Variants in MGAT5B observed in about 807,000 individuals in gnomAD.
MGAT5B encodes the protein N-acetylglucosaminyl-transferase Vb.
A neutral mutation model predicts 95.1 loss-of-function variants in MGAT5B; 54 were observed. The observed-to-expected ratio is 0.57, with a 90% CI of 0.46 to 0.71. MGAT5B has a LOEUF of 0.71. MGAT5B is among the 30% of genes least tolerant of loss of function. The pLI is 0.00. For missense variants in MGAT5B, 935 were observed against 1,088.6 expected, an observed-to-expected ratio of 0.86 and a Z score of 1.99; for synonymous variants, 464 against 451.0, an observed-to-expected ratio of 1.03 and a Z score of -0.36.
intron 12 of MGAT5B, among the ~76,000 whole-genome samples, chr17:76,935,601 A>G (rs1474870624): frequency 3.3e-5 from 4 of 120,854 alleles, no homozygotes; most frequent in Non-Finnish European, 7.0e-5. Flanking sequence ...TGTCTTCCAT[A>G]TATCTTTTTT....
chr17:76,903,265 T>C (rs748950801), intron 4 of MGAT5B, 38 bp from the exon 5 acceptor site: 25 of 1,568,864 alleles, frequency 1.6e-5, no homozygotes, highest in Non-Finnish European at 1.9e-5. Context: ...GGCTCCTCCT[T>C]GGACCAGGGA....
At chr17:76,883,039 C>T (rs1292537119) in intron 3 of MGAT5B, among the ~76,000 whole-genome samples, 1 of 151,696 alleles carries the variant, frequency 6.6e-6, no homozygotes, top group Non-Finnish European at 1.5e-5. Context: ...CACTCTTACT[C>T]TGGGCTGGAG....
chr17:76,936,084 G>A (rs1211727786), intron 12 of MGAT5B, among the ~76,000 whole-genome samples: 1 of 151,320 alleles, frequency 6.6e-6, no homozygotes, highest in East Asian at 1.9e-4. Context: ...ACAGGCATGA[G>A]CCACTGCGCC....
intron 9 of MGAT5B, 114 bp downstream of exon 9, chr17:76,925,211 A>T (rs1969267189): frequency 8.0e-7 from 1 of 1,250,996 alleles, no homozygotes; most frequent in Non-Finnish European, 1.1e-6. Flanking sequence ...GTGGGAGAAC[A>T]TACTGTCCTG....
At chr17:76,900,369 C>T (rs1968260483) in intron 3 of MGAT5B, among the ~76,000 whole-genome samples, 1 of 152,232 alleles carries the variant, frequency 6.6e-6, no homozygotes, top group Non-Finnish European at 1.5e-5. Context: ...GCCCCAGGAC[C>T]TGTGACTATG....
At chr17:76,947,492 TG>T (rs990353555) in intron 16 of MGAT5B, among the ~76,000 whole-genome samples, 18 of 152,090 alleles carry the variant, frequency 1.2e-4, no homozygotes, top group African/African-American at 3.9e-4. Context: ...GCAGGGCTCG[TG>T]GGCCCCAGGG....
chr17:76,932,784 G>C lies in MGAT5B; in HGVS notation c.1422+9G>C, dbSNP rs758808493. The C allele has an allele frequency of 4.1e-5, 66 of 1,612,842 alleles. No individual in the cohort carries two copies. The South Asian group carries it at 7.0e-4, about 17-fold the overall frequency. ...AGGCGAGCATCTGGAAGGTGAGCGC[G>C]GCCCCTGCGCGCGGGAAGCACCAGC... On this transcript the variant is annotated intron_variant, in intron 11 of 17. Transcript: ENST00000569840.
intron 2 of MGAT5B, among the ~76,000 whole-genome samples, chr17:76,873,681 G>C (rs569577395): frequency 6.6e-6 from 1 of 152,188 alleles, no homozygotes; most frequent in Non-Finnish European, 1.5e-5. Context: ...GCTGGGCCCA[G>C]CCCCACCTCA....
intron 2 of MGAT5B, among the ~76,000 whole-genome samples, chr17:76,880,307 T>C (rs549378986): frequency 7.9e-5 from 12 of 152,220 alleles, no homozygotes; most frequent in Non-Finnish European, 1.5e-4. Flanking sequence ...TTCCAAGGTG[T>C]GTGAGTGGTC....
chr17:76,887,790 C>T (rs1967715877), intron 3 of MGAT5B, among the ~76,000 whole-genome samples: 1 of 151,846 alleles, frequency 6.6e-6, no homozygotes. Flanking sequence ...CTCCTGACCT[C>T]ATGTGATCTG....
At chr17:76,936,301 A>T (rs1362770450) in intron 12 of MGAT5B, among the ~76,000 whole-genome samples, 1 of 152,128 alleles carries the variant, frequency 6.6e-6, no homozygotes, top group Non-Finnish European at 1.5e-5. Context: ...CCAGCTACTC[A>T]GGAGGCTGAG....
chr17:76,926,171 C>T (rs969637446), intron 9 of MGAT5B, among the ~76,000 whole-genome samples: 57 of 152,164 alleles, frequency 3.7e-4, no homozygotes, highest in Admixed American at 3.9e-4. Flanking sequence ...AGACTGGGCA[C>T]ATCCAGGGGT....
Position 76,869,725 on chromosome 17 carries a change from C to T in MGAT5B, c.68+628C>T, listed in dbSNP as rs1285261767. Among the ~76,000 whole-genome samples, 1 of 152,164 alleles carries T rather than the reference C, an allele frequency of 6.6e-6. No individual in the cohort carries two copies. The highest frequency in any genetic ancestry group is 2.4e-5 in the African/African-American group (1 of 41,450). Reference sequence around the variant, plus strand: ...AGAGGCGGGGGCAGGGGCGGCGCTGCAGGGCTACGGGGCGGCTGGAGCCGA... The same window carrying T: ...AGAGGCGGGGGCAGGGGCGGCGCTGTAGGGCTACGGGGCGGCTGGAGCCGA... On this transcript the variant is annotated intron_variant, in intron 1 of 17. Transcript: ENST00000569840. This position sits in a 1 kb window ranked among gnomAD's most constrained non-coding sequence, Gnocchi z 7.0.
At chr17:76,877,909 A>G (rs926163889) in intron 2 of MGAT5B, among the ~76,000 whole-genome samples, 8 of 151,238 alleles carry the variant, frequency 5.3e-5, no homozygotes, top group Non-Finnish European at 7.4e-5. Context: ...GGTGGGTAAT[A>G]AACACATCCC....
intron 3 of MGAT5B, among the ~76,000 whole-genome samples, chr17:76,892,254 G>A (rs962303357): frequency 9.9e-5 from 15 of 152,084 alleles, no homozygotes; most frequent in Non-Finnish European, 2.1e-4. Context: ...CACCATGTTG[G>A]CCAGGCTGGT....
At chr17:76,925,141 G>A (rs750424858) in intron 9 of MGAT5B, 44 bp downstream of exon 9, 91 of 1,607,616 alleles carry the variant, frequency 5.7e-5, no homozygotes, top group Non-Finnish European at 7.2e-5. Context: ...CACATGCCAG[G>A]GGAGAAAGCT....
chr17:76,938,035 T>TG lies in MGAT5B; in HGVS notation c.1478dup (p.Thr494HisfsTer26). 1.9e-6 allele frequency: 3 copies of TG among 1,614,246 alleles called. No individual in the cohort carries two copies. Among genetic ancestry groups the TG allele is most frequent in the Non-Finnish European group, 2.5e-6 (3 of 1,180,034 alleles). On this transcript the variant is annotated frameshift_variant, in exon 13 of 18. Transcript: ENST00000569840. LOFTEE classifies it high-confidence loss of function. This position sits in a 1 kb window ranked among gnomAD's most constrained non-coding sequence, Gnocchi z 4.3. The stretch of plus-strand genomic sequence containing the variant: ...TCCTGAACAAATACATGGAGATCCA[T>TG]GGCACCGTGTACTACGAGAGCCAGC...
At position 76,947,771 on chromosome 17, in the gene MGAT5B, G is replaced by A. The variant is rs890657832; in HGVS notation, c.1924-59G>A. 25 of 1,487,182 alleles carry A rather than the reference G, an allele frequency of 1.7e-5. No individual in the cohort carries two copies. In the Admixed American group the frequency reaches 5.7e-4, roughly 34 times the overall value. The allele number at this position is 1,487,182 out of a possible 1,614,324, so 92.1% of individuals were successfully genotyped here. On this transcript the variant is annotated intron_variant, in intron 16 of 17. Coordinates refer to ENST00000569840, the MANE Select transcript of MGAT5B (RefSeq NM_001199172.2). ...GCACGGCAGGGCCACACCTTCAGGT[G>A]TCTCCCAGGCACACCTGGGTCGCAC... is the stretch of plus-strand genomic sequence containing the variant.
chr17:76,947,743 C>T, intron 16 of MGAT5B, 87 bp from the exon 17 acceptor site: 2 of 1,464,896 alleles, frequency 1.4e-6, no homozygotes, highest in South Asian at 3.0e-5. Context: ...GTGGCTCGTA[C>T]TGGCACGGCA....
Sources: allele counts gnomAD v4.1 joint callset (sites outside exome capture counted in the v4.1 genomes callset), GRCh38; gene constraint gnomAD v4.1.1; non-coding constraint Gnocchi (gnomAD v3.1); transcripts MANE v1.5; gene names NCBI Gene and HGNC (gene_info 2026-07-23, HGNC 2026-07-21).